SNCAIP: variants seen among roughly 807,000 people sequenced by gnomAD.
SNCAIP encodes the protein synuclein alpha interacting protein, also known as synphilin-1.
A neutral mutation model predicts 86.7 loss-of-function variants in SNCAIP; 43 were observed. The observed-to-expected ratio is 0.50, with a 90% CI of 0.39 to 0.64. The LOEUF is 0.64. Among genes scored for constraint, SNCAIP ranks in the 30% least tolerant of loss-of-function variants. The pLI, the probability that SNCAIP is intolerant of heterozygous loss-of-function variation, is 0.00. For missense variants in SNCAIP, 981 were observed against 1,103.1 expected, an observed-to-expected ratio of 0.89 and a Z score of 1.57; for synonymous variants, 417 against 427.2, an observed-to-expected ratio of 0.98 and a Z score of 0.29.
intron 10 of SNCAIP, among the ~76,000 whole-genome samples, chr5:122,459,928 T>C (rs1785728622): frequency 6.6e-6 from 1 of 152,160 alleles, no homozygotes; most frequent in African/African-American, 2.4e-5. Context: ...GTATTCTCTA[T>C]TTCTAAGTAA....
intron 3 of SNCAIP, among the ~76,000 whole-genome samples, chr5:122,414,558 C>T (rs1774895819): frequency 6.6e-6 from 1 of 152,164 alleles, no homozygotes; most frequent in Non-Finnish European, 1.5e-5. Flanking sequence ...TTTGCTCCCA[C>T]ACAGAAGGTT....
chr5:122,415,212 C>A (rs1200875163), intron 3 of SNCAIP, among the ~76,000 whole-genome samples: 2 of 152,228 alleles, frequency 1.3e-5, no homozygotes, highest in Non-Finnish European at 2.9e-5. Flanking sequence ...CCTGCCTGTT[C>A]TCTCTCTAGT....
intron 1 of SNCAIP, among the ~76,000 whole-genome samples, chr5:122,316,576 T>A (rs1346846511): frequency 1.3e-5 from 2 of 152,190 alleles, no homozygotes; most frequent in South Asian, 4.1e-4. Flanking sequence ...CTTAGGCATA[T>A]GTCCATAGAG....
rs191206173 is a variant in SNCAIP at position 122,445,948 on chromosome 5, T to C, written c.1592+1216T>C. Among the ~76,000 whole-genome samples the C allele has an allele frequency of 1.4e-3, 214 of 152,056 alleles. 1 individual carries two copies. Among genetic ancestry groups the C allele is most frequent in the Non-Finnish European group, 1.2e-3 (83 of 67,988 alleles). On this transcript the variant is annotated intron_variant, in intron 8 of 10. Transcript: ENST00000261368. ...CTCCCCCTGTCAATACTAGAATAAT[T>C]TCTTTAATGAGTTTAGACTTCTAGA...
At chr5:122,405,944 G>A (rs189066537) in intron 3 of SNCAIP, among the ~76,000 whole-genome samples, 1 of 152,126 alleles carries the variant, frequency 6.6e-6, no homozygotes, top group African/African-American at 2.4e-5. Context: ...CAGCAAAGGC[G>A]CAGTGCTCAA....
intron 1 of SNCAIP, among the ~76,000 whole-genome samples, chr5:122,319,475 G>A (rs919800355): frequency 6.6e-5 from 10 of 152,172 alleles, no homozygotes; most frequent in African/African-American, 1.9e-4. Flanking sequence ...TAGATAAATA[G>A]AAGGAGCTAA....
At chr5:122,422,714 G>A (rs562221079) in intron 3 of SNCAIP, among the ~76,000 whole-genome samples, 154 bp from the exon 4 acceptor site, 1 of 151,856 alleles carries the variant, frequency 6.6e-6, no homozygotes, top group South Asian at 2.1e-4. Flanking sequence ...TGGTAAGTAT[G>A]ATTTTTTTTG....
intron 1 of SNCAIP, among the ~76,000 whole-genome samples, chr5:122,358,422 C>T (rs1051454975): frequency 4.9e-5 from 7 of 141,874 alleles, no homozygotes; most frequent in African/African-American, 1.8e-4. Flanking sequence ...AATGGGATGC[C>T]TTCTAATGCC....
At chr5:122,342,791 AC>A (rs1335869513) in intron 1 of SNCAIP, among the ~76,000 whole-genome samples, 4 of 152,112 alleles carry the variant, frequency 2.6e-5, no homozygotes, top group Non-Finnish European at 5.9e-5. Flanking sequence ...CATAACCTTA[AC>A]CTTAGCTTCC....
intron 6 of SNCAIP, among the ~76,000 whole-genome samples, chr5:122,433,030 T>C (rs938695451): frequency 3.9e-5 from 6 of 151,992 alleles, no homozygotes; most frequent in African/African-American, 1.5e-4. Flanking sequence ...GTTCAAAAAG[T>C]AGACAACACT....
chr5:122,319,794 C>A lies in SNCAIP; in HGVS notation c.-47+7510C>A, dbSNP rs75676819. Among the ~76,000 whole-genome samples the A allele has an allele frequency of 5.2e-3, 785 of 152,280 alleles. 10 individuals are homozygous for A. Among genetic ancestry groups the A allele is most frequent in the African/African-American group, 0.018 (743 of 41,558 alleles). On this transcript the variant is annotated intron_variant, in intron 1 of 10. Coordinates refer to ENST00000261368, the MANE Select transcript of SNCAIP (RefSeq NM_005460.4). ...TTATTCAGTGTTTACCGGATGCCAG[C>A]CCTTTTTGAAAGGTACATTATAGCT...
Position 122,451,602 on chromosome 5 carries a change from G to C in SNCAIP, c.2754+1G>C. On this transcript the variant is annotated splice_donor_variant, in intron 10 of 10. Transcript: ENST00000261368. LOFTEE classifies it high-confidence loss of function. ...CGCTAGCAAAGGAAAGAATAAGGCA[G>C]TAAGTGCTATTTGGAGAATATTCTT... 1 of 1,572,630 alleles carries C rather than the reference G, an allele frequency of 6.4e-7. No homozygotes were observed. Among genetic ancestry groups the C allele is most frequent in the Non-Finnish European group, 8.8e-7 (1 of 1,142,398 alleles).
At chr5:122,335,485 A>T (rs1039428807) in intron 1 of SNCAIP, among the ~76,000 whole-genome samples, 1 of 152,206 alleles carries the variant, frequency 6.6e-6, no homozygotes, top group Admixed American at 6.5e-5. Flanking sequence ...TTATGACAGT[A>T]AAGGGAGCCT....
intron 5 of SNCAIP, among the ~76,000 whole-genome samples, chr5:122,427,210 A>G (rs1777546378): frequency 1.3e-5 from 2 of 152,176 alleles, no homozygotes; most frequent in South Asian, 4.1e-4. Flanking sequence ...TTGATAGATT[A>G]AAAATCTCTG....
chr5:122,440,025 A>C (rs1323452236), intron 6 of SNCAIP, among the ~76,000 whole-genome samples: 2 of 152,150 alleles, frequency 1.3e-5, no homozygotes, highest in Non-Finnish European at 2.9e-5. Context: ...GACACCACCA[A>C]CACTTGGTCA....
intron 1 of SNCAIP, among the ~76,000 whole-genome samples, chr5:122,384,194 G>C (rs749694141): frequency 3.9e-5 from 6 of 152,180 alleles, no homozygotes; most frequent in Non-Finnish European, 7.3e-5. Flanking sequence ...CACTAGACTG[G>C]TTAGCAGGAA....
chr5:122,398,293 G>A (rs1771045674), intron 2 of SNCAIP, among the ~76,000 whole-genome samples: 1 of 152,058 alleles, frequency 6.6e-6, no homozygotes, highest in Non-Finnish European at 1.5e-5. Context: ...CTTAGGAGAT[G>A]AGAAAAGAGG....
At position 122,449,666 on chromosome 5, in the gene SNCAIP, G is replaced by T. The variant is rs552800633; in HGVS notation, c.1593-179G>T. Among the ~76,000 whole-genome samples the T allele has an allele frequency of 2.0e-5, 3 of 152,144 alleles. No homozygotes were observed. The South Asian group carries it at 6.2e-4, about 32-fold the overall frequency. ...TATTGACAATACATATCTTTTTGGGGTACTTTTGATTGTTTCCTTAGGAAA... is the reference window on the plus strand; with the variant it reads ...TATTGACAATACATATCTTTTTGGGTTACTTTTGATTGTTTCCTTAGGAAA... On this transcript the variant is annotated intron_variant, in intron 8 of 10. Transcript: ENST00000261368.
At chr5:122,381,247 T>C (rs1481861635) in intron 1 of SNCAIP, among the ~76,000 whole-genome samples, 140 of 133,164 alleles carry the variant, frequency 1.1e-3, no homozygotes, top group South Asian at 4.6e-3. Flanking sequence ...CATATATATT[T>C]AGGATAGTTA....
Sources: allele counts gnomAD v4.1 joint callset (sites outside exome capture counted in the v4.1 genomes callset), GRCh38; gene constraint gnomAD v4.1.1; transcripts MANE v1.5; gene names NCBI Gene and HGNC (gene_info 2026-07-23, HGNC 2026-07-21).